The following CDYL2 variants were observed in gnomAD, a reference collection of about 807,000 sequenced individuals.
CDYL2 encodes the protein chromodomain Y like 2, also known as chromodomain Y-like protein 2.
In CDYL2, 23 loss-of-function variants were observed where a neutral mutation model predicts 49.4. The observed-to-expected ratio is 0.47, with a 90% CI of 0.34 to 0.66. The LOEUF (loss-of-function observed/expected upper bound fraction) is 0.66, where lower values mean the gene tolerates loss of function less well. Among genes scored for constraint, CDYL2 ranks in the 30% least tolerant of loss-of-function variants. The pLI, the probability that CDYL2 is intolerant of heterozygous loss-of-function variation, is 0.01. For synonymous variants in CDYL2, 360 were observed against 268.8 expected, an observed-to-expected ratio of 1.34 and a Z score of -3.32; for missense variants, 678 against 656.4, an observed-to-expected ratio of 1.03 and a Z score of -0.36.
chr16:80,696,706 G>A (rs1910626130), intron 1 of CDYL2, among the ~76,000 whole-genome samples: 1 of 151,160 alleles, frequency 6.6e-6, no homozygotes, highest in Admixed American at 6.6e-5. Flanking sequence ...CAAGTAACAA[G>A]ATGGAAGAGT....
intron 2 of CDYL2, among the ~76,000 whole-genome samples, chr16:80,674,193 C>T (rs939416579): frequency 3.3e-5 from 5 of 152,174 alleles, no homozygotes; most frequent in South Asian, 4.1e-4. Context: ...CCTGGGTTCA[C>T]GAGTGGGCAC....
chr16:80,729,690 C>T (rs988278206), intron 1 of CDYL2, among the ~76,000 whole-genome samples: 23 of 152,104 alleles, frequency 1.5e-4, no homozygotes, highest in Non-Finnish European at 2.6e-4. Context: ...AAATTGACCA[C>T]ATAGTTGGAA....
intron 2 of CDYL2, among the ~76,000 whole-genome samples, chr16:80,634,979 G>T (rs899114176): frequency 6.6e-6 from 1 of 152,194 alleles, no homozygotes; most frequent in Non-Finnish European, 1.5e-5. Context: ...ATTCCATGAG[G>T]CTTGAGTTGC....
At chr16:80,748,639 G>A (rs1051014441) in intron 1 of CDYL2, among the ~76,000 whole-genome samples, 3 of 146,370 alleles carry the variant, frequency 2.0e-5, no homozygotes, top group Admixed American at 6.9e-5. Flanking sequence ...AAGAATTCTT[G>A]TGAAGAATAA....
chr16:80,695,694 A>T (rs1331845019), intron 1 of CDYL2, among the ~76,000 whole-genome samples: 1 of 152,242 alleles, frequency 6.6e-6, no homozygotes, highest in Non-Finnish European at 1.5e-5. Context: ...TCAATTCAGC[A>T]AAAGGAAATT....
In CDYL2 at chr16:80,622,328, T is replaced by C. The variant is rs1597129495; in HGVS notation, c.835-1393A>G. 2.0e-5 allele frequency among the ~76,000 whole-genome samples: 3 copies of C among 152,316 alleles called. No individual in the cohort carries two copies. The East Asian group carries it at 5.8e-4, about 29-fold the overall frequency. On this transcript the variant is annotated intron_variant, in intron 3 of 6. Coordinates refer to ENST00000570137, the MANE Select transcript of CDYL2 (RefSeq NM_152342.4). ...ATATTCACCTAATCACCTTTGCACATGCCAATCTCCCCACCCCTTGTGGGG... is the reference window on the plus strand; with the variant it reads ...ATATTCACCTAATCACCTTTGCACACGCCAATCTCCCCACCCCTTGTGGGG...
intron 2 of CDYL2, among the ~76,000 whole-genome samples, chr16:80,677,391 G>T (rs1338251876): frequency 6.6e-6 from 1 of 152,132 alleles, no homozygotes; most frequent in African/African-American, 2.4e-5. Flanking sequence ...TGAGTGGCAT[G>T]GAGTTAGTCA....
chr16:80,714,927 TCCC>T (rs1187736590), intron 1 of CDYL2, among the ~76,000 whole-genome samples: 2 of 151,864 alleles, frequency 1.3e-5, no homozygotes, highest in African/African-American at 4.8e-5. Context: ...TTTCCATCTG[TCCC>T]CCCAAGTAGG....
At chr16:80,670,894 A>G in intron 2 of CDYL2, 1 of 455,954 alleles carries the variant, frequency 2.2e-6, no homozygotes, top group South Asian at 1.5e-5. Flanking sequence ...CACGAGGAAG[A>G]TAAAAGGGGC....
At chr16:80,684,051 G>A (rs1049149128) in intron 2 of CDYL2, among the ~76,000 whole-genome samples, 1 of 152,198 alleles carries the variant, frequency 6.6e-6, no homozygotes, top group Non-Finnish European at 1.5e-5. Flanking sequence ...TGAACTCCAA[G>A]TCCACACTGT....
chr16:80,748,391 G>T (rs1009559270), intron 1 of CDYL2, among the ~76,000 whole-genome samples: 1 of 149,174 alleles, frequency 6.7e-6, no homozygotes, highest in African/African-American at 2.4e-5. Flanking sequence ...GCCAGGCTTG[G>T]TGGCAGGCGC....
At chr16:80,608,303 G>A (rs185265872) in intron 5 of CDYL2, 68 bp from the exon 6 acceptor site, 1 of 1,451,100 alleles carries the variant, frequency 6.9e-7, no homozygotes, top group African/African-American at 1.4e-5. Context: ...GCTGGTCCAG[G>A]GCTTGCCACC....
intron 1 of CDYL2, among the ~76,000 whole-genome samples, chr16:80,773,501 T>C (rs949604787): frequency 6.6e-6 from 1 of 152,076 alleles, no homozygotes; most frequent in Non-Finnish European, 1.5e-5. Context: ...AAAACACACA[T>C]AGAATGCTGT....
intron 2 of CDYL2, among the ~76,000 whole-genome samples, chr16:80,681,055 G>T (rs560045212): frequency 3.9e-5 from 6 of 152,210 alleles, no homozygotes; most frequent in African/African-American, 1.4e-4. Flanking sequence ...AACACCACCC[G>T]CCGGAGCCCC....
intron 6 of CDYL2, among the ~76,000 whole-genome samples, chr16:80,607,548 T>C (rs111534637): frequency 1.6e-4 from 24 of 152,334 alleles, no homozygotes; most frequent in Middle Eastern, 3.4e-3. Context: ...GCGCTCTGAG[T>C]GACTGTTATG....
At chr16:80,791,831 TA>T (rs1907619855) in intron 1 of CDYL2, among the ~76,000 whole-genome samples, 1 of 151,990 alleles carries the variant, frequency 6.6e-6, no homozygotes. Context: ...GAAAGAGACA[TA>T]ATAAAATGGA....
chr16:80,744,735 A>T (rs1241284422), intron 1 of CDYL2, among the ~76,000 whole-genome samples: 2 of 152,188 alleles, frequency 1.3e-5, no homozygotes, highest in African/African-American at 4.8e-5. Context: ...GCATGGGTCA[A>T]CACAGCAAAG....
chr16:80,712,573 G>A (rs894171212), intron 1 of CDYL2, among the ~76,000 whole-genome samples: 7 of 152,052 alleles, frequency 4.6e-5, no homozygotes, highest in South Asian at 2.1e-4. Context: ...TCCTTCCACC[G>A]TGTGGGAGAA....
At chr16:80,617,121 C>T (rs780613058) in intron 4 of CDYL2, among the ~76,000 whole-genome samples, 8 of 152,228 alleles carry the variant, frequency 5.3e-5, no homozygotes, top group Non-Finnish European at 1.2e-4. Context: ...GCCTTCTGAA[C>T]AATTCACCTG....
Sources: gnomAD v4.1 joint callset for allele counts (sites outside exome capture counted in the v4.1 genomes callset) on GRCh38, gnomAD v4.1.1 for gene constraint, MANE v1.5 for transcripts, NCBI Gene and HGNC (gene_info 2026-07-23, HGNC 2026-07-21) for gene names.